Variants in FBXO34 observed in about 807,000 individuals in gnomAD.
The protein encoded by FBXO34 is F-box only protein 34.
In FBXO34, 12 loss-of-function variants were observed where a neutral mutation model predicts 24.5. The ratio of observed to expected loss-of-function variants is 0.49; its 90% CI spans 0.31 to 0.79. FBXO34 has a LOEUF of 0.79. Among genes scored for constraint, FBXO34 ranks in the 30% least tolerant of loss-of-function variants. FBXO34 has a pLI of 0.04. For missense variants in FBXO34, 823 were observed against 857.7 expected (o/e 0.96, Z 0.51); for synonymous variants, 320 against 311.9 (o/e 1.03, Z -0.27).
the FBXO34 span, chr14:55,390,929 T>C: frequency 6.2e-7 from 1 of 1,600,706 alleles, no homozygotes; most frequent in Non-Finnish European, 8.5e-7. Flanking sequence ...ATTTCTTCAT[T>C]TCCTTTACAT....
intron 1 of FBXO34, among the ~76,000 whole-genome samples, chr14:55,300,456 C>G (rs537969456): frequency 5.3e-5 from 8 of 152,226 alleles, no homozygotes; most frequent in African/African-American, 1.9e-4. Flanking sequence ...TTAGCCAGAC[C>G]TGGTGGCACG....
the FBXO34 span, chr14:55,381,948 A>G: frequency 6.3e-7 from 1 of 1,598,370 alleles, no homozygotes; most frequent in South Asian, 1.1e-5. Flanking sequence ...TTCAAAGGAT[A>G]TGCTGCTTCT....
intron 1 of FBXO34, among the ~76,000 whole-genome samples, chr14:55,284,357 T>C (rs1277671147): frequency 1.3e-5 from 2 of 151,774 alleles, no homozygotes; most frequent in Non-Finnish European, 2.9e-5. Flanking sequence ...CTACTAAAAA[T>C]ACAAAATTAG....
the FBXO34 span, among the ~76,000 whole-genome samples, chr14:55,392,324 C>T: frequency 2.0e-5 from 3 of 152,058 alleles, no homozygotes; most frequent in Non-Finnish European, 4.4e-5. Context: ...GTTGGGGACC[C>T]CTGCCTTAAA....
At chr14:55,366,163 T>G (rs557455263), downstream of FBXO34, among the ~76,000 whole-genome samples, 3 of 152,254 alleles carry the variant, frequency 2.0e-5, no homozygotes, top group East Asian at 5.8e-4. Context: ...AAACACGTCT[T>G]TAGGGAAAGT....
At chr14:55,437,514 GAA>G in the FBXO34 span, among the ~76,000 whole-genome samples, 1 of 152,180 alleles carries the variant, frequency 6.6e-6, no homozygotes, top group South Asian at 2.1e-4. Flanking sequence ...ACACTTAATG[GAA>G]ACAGAAAAGA....
the FBXO34 span, among the ~76,000 whole-genome samples, chr14:55,408,459 C>A: frequency 1.3e-5 from 2 of 151,754 alleles, no homozygotes; most frequent in East Asian, 2.0e-4. Context: ...TCCCCTCCCC[C>A]CTCAAACAAA....
chr14:55,395,903 G>A, the FBXO34 span: 3 of 1,448,128 alleles, frequency 2.1e-6, no homozygotes, highest in Admixed American at 2.4e-5. Context: ...TTAAAAACAT[G>A]TAGCCTCAAG....
chr14:55,283,942 C>CTGTGTG (rs376134482), intron 1 of FBXO34, among the ~76,000 whole-genome samples: 99 of 130,886 alleles, frequency 7.6e-4, no homozygotes, highest in South Asian at 4.3e-3. Flanking sequence ...CATTCTAAGA[C>CTGTGTG]TATGTGTGTG....
the FBXO34 span, among the ~76,000 whole-genome samples, chr14:55,376,878 G>T: frequency 0.39 from 60,049 of 152,074 alleles, 12,131 homozygotes; most frequent in Non-Finnish European, 0.42. Flanking sequence ...GAAAGCTAAG[G>T]CTCGTACAGT....
At chr14:55,321,306 A>AC (rs1467128928) in intron 1 of FBXO34, among the ~76,000 whole-genome samples, 2 of 151,442 alleles carry the variant, frequency 1.3e-5, no homozygotes, top group South Asian at 4.2e-4. Context: ...CACATCCCAC[A>AC]CCCCCCACCT....
chr14:55,395,838 C>T, the FBXO34 span: 1 of 849,078 alleles, frequency 1.2e-6, no homozygotes, highest in Non-Finnish European at 1.7e-6. Flanking sequence ...TAGAGGACTG[C>T]TAAATACGAT....
the FBXO34 span, among the ~76,000 whole-genome samples, chr14:55,384,463 C>G: frequency 6.6e-6 from 1 of 152,236 alleles, no homozygotes; most frequent in East Asian, 1.9e-4. Context: ...CTGCTAATAT[C>G]TCTTTTGGGG....
At position 55,352,702 on chromosome 14, in the gene FBXO34, G is replaced by T; in HGVS notation, c.*176G>T. The T allele has an allele frequency of 1.6e-6, 1 of 616,658 alleles. No individual in the cohort carries two copies. The highest frequency in any genetic ancestry group is 2.7e-6 in the Non-Finnish European group (1 of 369,744). 38.2% of individuals were successfully genotyped at this position (616,658 alleles called of 1,614,324 possible). ...AATTTACGAGCTGTACAAAAAAATT[G>T]GTCTTGTTGTTTATAGTGGCATCTC... On this transcript the variant is annotated 3_prime_UTR_variant, in exon 2 of 2. Transcript: ENST00000313833.
At chr14:55,395,171 C>T in the FBXO34 span, 72 of 455,718 alleles carry the variant, frequency 1.6e-4, no homozygotes, top group East Asian at 4.8e-3. Flanking sequence ...ATAAGCGTGC[C>T]GATCTCCTCT....
intron 1 of FBXO34, among the ~76,000 whole-genome samples, chr14:55,295,755 G>A (rs1221653934): frequency 6.6e-6 from 1 of 152,118 alleles, no homozygotes; most frequent in Admixed American, 6.6e-5. Flanking sequence ...TAAACACCTT[G>A]TCTAGCTAGT....
intron 1 of FBXO34, among the ~76,000 whole-genome samples, chr14:55,321,714 A>G (rs1340528024): frequency 1.3e-5 from 2 of 152,066 alleles, no homozygotes; most frequent in Admixed American, 1.3e-4. Flanking sequence ...AGTGTTTCTG[A>G]CTGGTCCCAG....
chr14:55,382,080 G>A, the FBXO34 span: 1,710 of 1,614,046 alleles, frequency 1.1e-3, 14 homozygotes, highest in African/African-American at 0.019. Context: ...CGTTGTGATC[G>A]TCACAGACCC....
At chr14:55,399,641 A>G in the FBXO34 span, among the ~76,000 whole-genome samples, 85 of 152,250 alleles carry the variant, frequency 5.6e-4, no homozygotes, top group Non-Finnish European at 4.4e-5. Flanking sequence ...CCTTGTATCA[A>G]AAATGAGAGA....
Sources: allele counts gnomAD v4.1 joint callset (sites outside exome capture counted in the v4.1 genomes callset), GRCh38; gene constraint gnomAD v4.1.1; transcripts MANE v1.5; gene names NCBI Gene and HGNC (gene_info 2026-07-23, HGNC 2026-07-21).